C17orf99: variants seen among roughly 807,000 people sequenced by gnomAD.
The protein encoded by C17orf99 is protein IL-40.
C17orf99 carries 18 observed loss-of-function variants against 22.6 expected under a neutral mutation model. That is an observed-to-expected ratio of 0.80 (90% CI 0.55 to 1.18). The LOEUF is 1.18. Ranked by LOEUF, C17orf99 falls within the 50% of genes most tolerant of loss-of-function variation. The pLI is 0.00. For synonymous variants in C17orf99, 147 were observed against 136.6 expected (o/e 1.08, Z -0.53); for missense variants, 328 against 342.7 (o/e 0.96, Z 0.34).
In C17orf99 at chr17:78,164,326, C is replaced by G. The variant is rs1018485366; in HGVS notation, c.602C>G (p.Ala201Gly). 2 of 1,551,470 alleles carry G rather than the reference C, an allele frequency of 1.3e-6. No individual in the cohort carries two copies. The highest frequency in any genetic ancestry group is 1.7e-6 in the Non-Finnish European group (2 of 1,147,006). ...TTCTGGTGCCAGGCTGCAAACAACG[C>G]CAATGTCCAGCACAGCGCCCTCACA... is the stretch of plus-strand genomic sequence containing the variant. ...DWFWCQAANN[A>G]NVQHSALTVV... Residue 201 changes from alanine to glycine, a missense_variant, in exon 4 of 5, where the codon GCC (alanine) becomes GGC (glycine). Coordinates refer to ENST00000340363, the MANE Select transcript of C17orf99 (RefSeq NM_001163075.2).
At chr17:78,157,458 GC>G in intron 2 of C17orf99, 1 of 1,310,474 alleles carries the variant, frequency 7.6e-7, no homozygotes. Context: ...GACAGGAGAT[GC>G]AGGGCCTCAG....
intron 2 of C17orf99, chr17:78,157,952 G>A: frequency 8.5e-7 from 1 of 1,177,302 alleles, no homozygotes; most frequent in South Asian, 1.2e-5. Context: ...GAAGAAATAT[G>A]GAGATATCTG....
rs1555596213 is a variant in C17orf99 at position 78,148,237 on chromosome 17, AT to A, written c.70+1327del. On this transcript the variant is annotated intron_variant, in intron 2 of 4. Coordinates refer to ENST00000340363, the MANE Select transcript of C17orf99 (RefSeq NM_001163075.2). ...CATCTCTTAAAAAAAAAAAAAGAAAATGGCTCGATCTCAGCTTACTGCAACC... is the reference window on the plus strand; with the variant it reads ...CATCTCTTAAAAAAAAAAAAAGAAAAGGCTCGATCTCAGCTTACTGCAACC... 7.3e-5 allele frequency among the ~76,000 whole-genome samples: 11 copies of A among 150,614 alleles called. 2 individuals carry two copies. Among genetic ancestry groups the A allele is most frequent in the African/African-American group, 9.8e-5 (4 of 40,806 alleles).
At chr17:78,154,621 T>A (rs929455197) in intron 2 of C17orf99, among the ~76,000 whole-genome samples, 1 of 152,046 alleles carries the variant, frequency 6.6e-6, no homozygotes, top group East Asian at 1.9e-4. Flanking sequence ...GGCAGGTGGA[T>A]CACCTGAGGT....
At chr17:78,158,391 C>A (rs1273063178) in intron 2 of C17orf99, among the ~76,000 whole-genome samples, 1 of 152,112 alleles carries the variant, frequency 6.6e-6, no homozygotes, top group Non-Finnish European at 1.5e-5. Context: ...ACCTCCCGGG[C>A]TCATGCCATT....
At chr17:78,156,332 GAAAAA>G (rs769438256) in intron 2 of C17orf99, among the ~76,000 whole-genome samples, 1 of 63,390 alleles carries the variant, frequency 1.6e-5, no homozygotes, top group African/African-American at 5.7e-5. Context: ...TCCTTCTCCA[GAAAAA>G]AAAAAAAAAA....
Position 78,166,155 on chromosome 17 carries a change from CAAAAA to C in C17orf99, c.*127_*131del, listed in dbSNP as rs61377640. The C allele has an allele frequency of 0.015, 2,098 of 144,558 alleles. No homozygotes were observed. Among genetic ancestry groups the C allele is most frequent in the Middle Eastern group, 0.022 (9 of 400 alleles). The allele number at this position is 144,558 out of a possible 1,614,324, so 9.0% of individuals were successfully genotyped here. ...GAGTGTGTTTTAGCTGCTCTTGCCA[CAAAAA>C]AAAAAAAAAAAAAAAAAGGGTAACT... On this transcript the variant is annotated 3_prime_UTR_variant, in exon 5 of 5. Coordinates refer to ENST00000340363, the MANE Select transcript of C17orf99 (RefSeq NM_001163075.2).
chr17:78,164,334 C>CA lies in C17orf99; in HGVS notation c.611dup (p.His205AlafsTer12). The CA allele has an allele frequency of 1.9e-6, 3 of 1,551,564 alleles. No homozygotes were observed. Among genetic ancestry groups the CA allele is most frequent in the Non-Finnish European group, 8.7e-7 (1 of 1,147,002 alleles). On this transcript the variant is annotated frameshift_variant, in exon 4 of 5. Transcript: ENST00000340363. LOFTEE classifies it low-confidence loss of function (END_TRUNC). ...CCAGGCTGCAAACAACGCCAATGTC[C>CA]AGCACAGCGCCCTCACAGTGGTGCC...
chr17:78,151,148 G>A (rs1444637696), intron 2 of C17orf99, among the ~76,000 whole-genome samples: 2 of 149,600 alleles, frequency 1.3e-5, no homozygotes, highest in Admixed American at 6.7e-5. Context: ...AACAAGGCCA[G>A]GCACAATGGC....
At chr17:78,149,331 C>CAAAAAAA (rs35155993) in intron 2 of C17orf99, among the ~76,000 whole-genome samples, 1 of 40,988 alleles carries the variant, frequency 2.4e-5, no homozygotes, top group African/African-American at 9.4e-5. Context: ...GACTCTGCCT[C>CAAAAAAA]AAAAAAAAAA....
At position 78,146,575 on chromosome 17, in the gene C17orf99, G is replaced by A; in HGVS notation, c.37+131G>A. ...GCACCTCTGGAAACATGGACAGAGA[G>A]GGAAAGATCTGGGCTTGAGTCTCGG... On this transcript the variant is annotated intron_variant, in intron 1 of 4. Coordinates refer to ENST00000340363, the MANE Select transcript of C17orf99 (RefSeq NM_001163075.2). This position sits in a 1 kb window ranked among gnomAD's most constrained non-coding sequence, Gnocchi z 5.2. 1 of 851,408 alleles carries A rather than the reference G, an allele frequency of 1.2e-6. No individual in the cohort carries two copies. Among genetic ancestry groups the A allele is most frequent in the Non-Finnish European group, 1.9e-6 (1 of 531,858 alleles). 52.7% of individuals were successfully genotyped at this position (851,408 alleles called of 1,614,324 possible). A position where few individuals can be genotyped will look rare whatever the true frequency, so the allele number is the denominator to read the frequency against.
chr17:78,162,862 C>A (rs558516605), intron 3 of C17orf99, among the ~76,000 whole-genome samples: 1 of 152,216 alleles, frequency 6.6e-6, no homozygotes, highest in African/African-American at 2.4e-5. Flanking sequence ...CTCGGCTCAC[C>A]GCAACCTCCG....
chr17:78,146,378 C>A (rs2075437477), upstream of C17orf99: 9 of 1,548,102 alleles, frequency 5.8e-6, no homozygotes, highest in Middle Eastern at 3.4e-4. The surrounding 1 kb of genome is among the most constrained non-coding windows in gnomAD (Gnocchi z 5.2). Context: ...GTTCTCACTG[C>A]CCGAGCAGAG....
At chr17:78,164,421 G>A (rs1217408875) in intron 4 of C17orf99, 57 bp downstream of exon 4, 3 of 1,550,724 alleles carry the variant, frequency 1.9e-6, no homozygotes, top group South Asian at 2.4e-5. Context: ...CCGGGAGGGT[G>A]CTAGTGTCCA....
intron 2 of C17orf99, chr17:78,159,915 C>T (rs1598949972): frequency 2.8e-6 from 1 of 360,796 alleles, no homozygotes; most frequent in African/African-American, 2.1e-5. Context: ...CTTTCTAAGG[C>T]TGAGTAATAT....
intron 2 of C17orf99, chr17:78,157,860 A>G (rs1173810431): frequency 7.2e-6 from 8 of 1,109,958 alleles, no homozygotes; most frequent in Non-Finnish European, 1.1e-5. Context: ...CGGCCACGTA[A>G]GATCGTCGAG....
chr17:78,160,548 AGAG>A (rs1416132740), intron 2 of C17orf99, among the ~76,000 whole-genome samples: 12 of 58,920 alleles, frequency 2.0e-4, no homozygotes, highest in South Asian at 1.8e-3. Context: ...AAAAAAAAAA[AGAG>A]AGAGAGAGAG....
intron 2 of C17orf99, chr17:78,157,411 C>T (rs544984690): frequency 8.6e-5 from 110 of 1,283,736 alleles, no homozygotes; most frequent in Admixed American, 1.3e-4. Flanking sequence ...GAGTTGGAAT[C>T]GAAGCCTCTT....
chr17:78,161,327 G>A, intron 3 of C17orf99, 73 bp downstream of exon 3: 4 of 1,336,666 alleles, frequency 3.0e-6, no homozygotes, highest in Non-Finnish European at 4.1e-6. Context: ...TGGGAGTGGG[G>A]ATTGTGAACC....
Sources: gnomAD v4.1 joint callset for allele counts (sites outside exome capture counted in the v4.1 genomes callset) on GRCh38, gnomAD v4.1.1 for gene constraint, Gnocchi (gnomAD v3.1) non-coding constraint, MANE v1.5 for transcripts, NCBI Gene and HGNC (gene_info 2026-07-23, HGNC 2026-07-21) for gene names.